The following PTPRM variants were observed in gnomAD, a reference collection of about 807,000 sequenced individuals.
The protein encoded by PTPRM is receptor-type tyrosine-protein phosphatase mu.
Under a neutral mutation model 186.7 loss-of-function variants are expected in PTPRM, and 47 were observed. The ratio of observed to expected loss-of-function variants is 0.25; its 90% CI spans 0.20 to 0.32. The LOEUF (loss-of-function observed/expected upper bound fraction) is 0.32, where lower values mean the gene tolerates loss of function less well. Among genes scored for constraint, PTPRM ranks in the 10% least tolerant of loss-of-function variants. The pLI is 1.00. For missense variants in PTPRM, 1,494 were observed against 1,865.0 expected (o/e 0.80, Z 3.66); for synonymous variants, 668 against 674.9 (o/e 0.99, Z 0.16).
intron 14 of PTPRM, among the ~76,000 whole-genome samples, chr18:8,202,356 T>C (rs934140376): frequency 6.6e-6 from 1 of 152,208 alleles, no homozygotes; most frequent in Non-Finnish European, 1.5e-5. Context: ...GAAGTGGTGC[T>C]AGAAAGAAGA....
At chr18:8,095,310 C>T (rs1257136531) in intron 11 of PTPRM, among the ~76,000 whole-genome samples, 1 of 152,022 alleles carries the variant, frequency 6.6e-6, no homozygotes, top group Non-Finnish European at 1.5e-5. Flanking sequence ...GGCTGTTGTT[C>T]AGAGCATCTG....
chr18:7,895,590 G>T (rs2049313575), intron 3 of PTPRM, among the ~76,000 whole-genome samples: 1 of 152,132 alleles, frequency 6.6e-6, no homozygotes, highest in Non-Finnish European at 1.5e-5. Flanking sequence ...AGGTGCCCTT[G>T]GGTTGTATTC....
chr18:8,238,655 T>TTTTTTTTG lies in PTPRM; in HGVS notation c.2301-5396_2301-5395insGTTTTTTT, dbSNP rs1568578052. Among the ~76,000 whole-genome samples the TTTTTTTTG allele has an allele frequency of 1.3e-3, 119 of 93,454 alleles. 5 individuals carry two copies. The highest frequency in any genetic ancestry group is 4.6e-3 in the African/African-American group (112 of 24,164). The allele number at this position is 93,454 out of a possible 152,430, so 61.3% of individuals were successfully genotyped here. ...TCTCTTCACACTGTTTTGTGTGTTT[T>TTTTTTTTG]TTTTTTTTTTTTTTTTTTTTTTTTT... On this transcript the variant is annotated intron_variant, in intron 14 of 32. Coordinates refer to ENST00000580170, the MANE Select transcript of PTPRM (RefSeq NM_001105244.2).
chr18:8,108,189 A>G (rs1294310351), intron 11 of PTPRM, among the ~76,000 whole-genome samples: 3 of 152,130 alleles, frequency 2.0e-5, no homozygotes, highest in African/African-American at 7.2e-5. Flanking sequence ...TATCAATACT[A>G]ATATCTATTC....
At chr18:7,772,402 T>G (rs892755868) in intron 1 of PTPRM, among the ~76,000 whole-genome samples, 1 of 139,474 alleles carries the variant, frequency 7.2e-6, no homozygotes, top group Non-Finnish European at 1.6e-5. Flanking sequence ...TTTCTTTCTT[T>G]CTTTCTTTCT....
At chr18:7,682,593 C>CT (rs1416008059) in intron 1 of PTPRM, among the ~76,000 whole-genome samples, 9 of 152,236 alleles carry the variant, frequency 5.9e-5, no homozygotes, top group African/African-American at 2.2e-4. Flanking sequence ...TTAAACTGCT[C>CT]TTTTTGTTAG....
At chr18:7,651,905 A>C (rs1405588596) in intron 1 of PTPRM, among the ~76,000 whole-genome samples, 1 of 151,686 alleles carries the variant, frequency 6.6e-6, no homozygotes, top group Non-Finnish European at 1.5e-5. Flanking sequence ...GACAAATGGG[A>C]TCTAATTAAA....
chr18:8,073,549 T>G (rs939099002), intron 8 of PTPRM, among the ~76,000 whole-genome samples: 1 of 152,246 alleles, frequency 6.6e-6, no homozygotes, highest in African/African-American at 2.4e-5. Flanking sequence ...GTATATAAAT[T>G]TCTTCAACAT....
chr18:8,224,452 C>T (rs936353041), intron 14 of PTPRM, among the ~76,000 whole-genome samples: 8 of 152,314 alleles, frequency 5.3e-5, no homozygotes, highest in South Asian at 2.1e-4. Context: ...TCAGTGGCTT[C>T]ATATGGCGTG....
chr18:8,049,782 G>C (rs2148251095), intron 7 of PTPRM, among the ~76,000 whole-genome samples: 1 of 151,266 alleles, frequency 6.6e-6, no homozygotes, highest in Non-Finnish European at 1.5e-5. Flanking sequence ...CGCAGTCTCA[G>C]CTCACTGCAA....
chr18:8,371,172 T>C (rs538838200), intron 24 of PTPRM, among the ~76,000 whole-genome samples, 166 bp downstream of exon 24: 3 of 152,328 alleles, frequency 2.0e-5, no homozygotes, highest in East Asian at 3.9e-4. Context: ...CTATAACAGC[T>C]CAGTTCCATC....
chr18:7,817,541 GT>G (rs2044905115), intron 2 of PTPRM, among the ~76,000 whole-genome samples: 1 of 152,048 alleles, frequency 6.6e-6, no homozygotes, highest in Non-Finnish European at 1.5e-5. Context: ...TATAAAATGT[GT>G]TTTTTATAAT....
At chr18:7,679,192 G>A (rs971929335) in intron 1 of PTPRM, among the ~76,000 whole-genome samples, 1 of 152,188 alleles carries the variant, frequency 6.6e-6, no homozygotes, top group Non-Finnish European at 1.5e-5. Context: ...TTTACTAACT[G>A]CAGTCATTCA....
rs564468905 is a variant in PTPRM at position 8,224,185 on chromosome 18, C to T, written c.2301-19873C>T. Among the ~76,000 whole-genome samples the T allele has an allele frequency of 1.7e-4, 26 of 152,266 alleles. No individual in the cohort carries two copies. In the East Asian group the frequency reaches 5.0e-3, roughly 29 times the overall value. On this transcript the variant is annotated intron_variant, in intron 14 of 32. Coordinates refer to ENST00000580170, the MANE Select transcript of PTPRM (RefSeq NM_001105244.2). ...AAAGATAATTTGAAAGTCTGCTGTA[C>T]ATTGCAGGAAATGTCTTTTGTGTCT...
intron 32 of PTPRM, among the ~76,000 whole-genome samples, chr18:8,400,524 G>A (rs925390238): frequency 1.3e-5 from 2 of 152,208 alleles, no homozygotes; most frequent in South Asian, 2.1e-4. Context: ...CGTGCCACAC[G>A]GCTGAGAAAG....
intron 7 of PTPRM, among the ~76,000 whole-genome samples, chr18:7,996,207 A>G (rs2083527666): frequency 1.3e-5 from 2 of 151,946 alleles, no homozygotes; most frequent in Non-Finnish European, 2.9e-5. Context: ...AATAAACACC[A>G]TGATCAAGTG....
intron 1 of PTPRM, among the ~76,000 whole-genome samples, chr18:7,739,323 C>T (rs1255006990): frequency 1.3e-5 from 2 of 152,176 alleles, no homozygotes; most frequent in Non-Finnish European, 2.9e-5. Context: ...TTGTTGTCAA[C>T]TTCTGATGGC....
intron 22 of PTPRM, among the ~76,000 whole-genome samples, chr18:8,330,223 C>A (rs2095404672): frequency 6.6e-6 from 1 of 152,166 alleles, no homozygotes; most frequent in Non-Finnish European, 1.5e-5. Flanking sequence ...GTTTCTTTTT[C>A]ACCCATGGGC....
At chr18:8,359,392 T>A (rs552771913) in intron 23 of PTPRM, among the ~76,000 whole-genome samples, 29 of 152,376 alleles carry the variant, frequency 1.9e-4, no homozygotes, top group East Asian at 3.9e-4. Flanking sequence ...GGCACCTGCC[T>A]CCATGGTCAC....
Sources: allele counts gnomAD v4.1 joint callset (sites outside exome capture counted in the v4.1 genomes callset), GRCh38; gene constraint gnomAD v4.1.1; transcripts MANE v1.5; gene names NCBI Gene and HGNC (gene_info 2026-07-23, HGNC 2026-07-21).